RBM19: variants seen among roughly 807,000 people sequenced by gnomAD.
RBM19 encodes the protein RNA binding motif protein 19, also known as probable RNA-binding protein 19.
A neutral mutation model predicts 116.8 loss-of-function variants in RBM19; 94 were observed. The observed-to-expected ratio is 0.80, with a 90% CI of 0.68 to 0.95. The LOEUF is 0.95. Among genes scored for constraint, RBM19 ranks in the 40% least tolerant of loss-of-function variants. The pLI is 0.00. For synonymous variants in RBM19, 475 were observed against 494.1 expected, an observed-to-expected ratio of 0.96 and a Z score of 0.51; for missense variants, 1,161 against 1,220.7, an observed-to-expected ratio of 0.95 and a Z score of 0.73.
Position 113,844,731 on chromosome 12 carries a change from C to A in RBM19, c.2722G>T (p.Glu908Ter). 6.2e-7 allele frequency: 1 copy of A among 1,613,602 alleles called. No homozygotes were observed. Among genetic ancestry groups the A allele is most frequent in the Non-Finnish European group, 8.5e-7 (1 of 1,179,914 alleles). ...AGGGTCACCTCGGAGTCGGCCCACT[C>A]CAGCACCAGCCTCCGCCCGTACAAG... is the stretch of plus-strand genomic sequence containing the variant. The part of the protein sequence containing the change: ...THLYGRRLVL[E>*]WADSEVTLQA... The change falls in exon 23 of 24, where the codon GAG (glutamate) becomes TAG (stop). Residue 908 changes from glutamate (E) to a stop codon, truncating the protein, a stop_gained. Transcript: ENST00000261741. LOFTEE classifies it high-confidence loss of function.
At chr12:113,826,915 C>T (rs1050481400) in intron 23 of RBM19, among the ~76,000 whole-genome samples, 1 of 152,190 alleles carries the variant, frequency 6.6e-6, no homozygotes, top group African/African-American at 2.4e-5. Flanking sequence ...TACCTGCCAA[C>T]TATGTACTCA....
At chr12:113,842,634 G>A (rs547479790) in intron 23 of RBM19, among the ~76,000 whole-genome samples, 1 of 152,324 alleles carries the variant, frequency 6.6e-6, no homozygotes, top group Non-Finnish European at 1.5e-5. Flanking sequence ...GGAAGGCACG[G>A]GTCCAGAGAG....
chr12:113,869,285 C>T (rs772578569), intron 21 of RBM19, among the ~76,000 whole-genome samples: 7 of 152,158 alleles, frequency 4.6e-5, no homozygotes, highest in South Asian at 2.1e-4. Context: ...CAGTGGATCT[C>T]CCTCTTATCC....
At chr12:113,831,864 A>C (rs1258899182) in intron 23 of RBM19, among the ~76,000 whole-genome samples, 1 of 152,146 alleles carries the variant, frequency 6.6e-6, no homozygotes, top group Non-Finnish European at 1.5e-5. Flanking sequence ...TGACTGGGCG[A>C]TACCTGCTCC....
chr12:113,932,964 C>T (rs965833212), intron 16 of RBM19, among the ~76,000 whole-genome samples: 3 of 152,032 alleles, frequency 2.0e-5, no homozygotes, highest in African/African-American at 7.3e-5. Context: ...TATAATCAGG[C>T]CACAGAATTT....
At chr12:113,829,014 T>C (rs1434505261) in intron 23 of RBM19, among the ~76,000 whole-genome samples, 1 of 152,008 alleles carries the variant, frequency 6.6e-6, no homozygotes, top group African/African-American at 2.4e-5. Context: ...TTTTTTTTTT[T>C]TTAAATAGAC....
rs75482645 is a variant in RBM19 at position 113,833,350 on chromosome 12, T to C, written c.2786-10029A>G. Reference sequence around the variant, plus strand: ...CTCTGCTCCATGGCCCTTATTGGCCTGGATGGGACCTCTGCCCTCCATTCT... The same window carrying C: ...CTCTGCTCCATGGCCCTTATTGGCCCGGATGGGACCTCTGCCCTCCATTCT... On this transcript the variant is annotated intron_variant, in intron 23 of 23. Coordinates refer to ENST00000261741, the MANE Select transcript of RBM19 (RefSeq NM_016196.4). Among the ~76,000 whole-genome samples the C allele has an allele frequency of 1.2e-3, 176 of 152,294 alleles. 3 individuals carry two copies. The East Asian group carries it at 0.018, about 15-fold the overall frequency.
intron 23 of RBM19, 104 bp downstream of exon 23, chr12:113,844,564 C>T: frequency 7.0e-7 from 1 of 1,433,950 alleles, no homozygotes; most frequent in South Asian, 1.5e-5. Flanking sequence ...AGCCCTTGTG[C>T]CCATAGCCTG....
chr12:113,897,294 A>C (rs1035933228), intron 21 of RBM19, among the ~76,000 whole-genome samples: 4 of 152,004 alleles, frequency 2.6e-5, no homozygotes, highest in Non-Finnish European at 5.9e-5. Context: ...TCAGCCTCCC[A>C]AGCTGGGATT....
intron 22 of RBM19, among the ~76,000 whole-genome samples, chr12:113,845,706 T>C (rs1030404484): frequency 6.6e-6 from 1 of 152,166 alleles, no homozygotes; most frequent in African/African-American, 2.4e-5. Context: ...TAGTGATCAG[T>C]ACCGTCTTAA....
chr12:113,823,558 G>A (rs184761963), intron 23 of RBM19, among the ~76,000 whole-genome samples: 3 of 152,056 alleles, frequency 2.0e-5, no homozygotes, highest in African/African-American at 4.8e-5. Flanking sequence ...AGGAGTAGGG[G>A]AGAGAATCAA....
intron 22 of RBM19, among the ~76,000 whole-genome samples, chr12:113,853,244 G>A (rs1280268358): frequency 6.6e-6 from 1 of 152,210 alleles, no homozygotes; most frequent in South Asian, 2.1e-4. Context: ...TAACTGGTGC[G>A]ACCCTACAAT....
chr12:113,929,415 C>T (rs1869405730), intron 16 of RBM19, among the ~76,000 whole-genome samples: 3 of 150,372 alleles, frequency 2.0e-5, no homozygotes, highest in Middle Eastern at 3.4e-3. Context: ...GATACCAGCA[C>T]AAAAAGAAGA....
Position 113,942,426 on chromosome 12 carries a change from C to G in RBM19, c.1635G>C (p.Lys545Asn), listed in dbSNP as rs778299943. ...TKSQVFDHET[K>N]GSVAVRVALG... The stretch of plus-strand genomic sequence containing the variant: ...GAGCCACGCGCACGGCCACGCTGCC[C>G]TTGGTCTCCTGTGGAAGAGGAAAGG... Residue 545 changes from lysine (K) to asparagine (N), a missense_variant, in exon 14 of 24, where the codon AAG (lysine) becomes AAC (asparagine). Transcript: ENST00000261741. The G allele has an allele frequency of 1.2e-6, 2 of 1,605,528 alleles. No individual in the cohort carries two copies. The highest frequency in any genetic ancestry group is 1.7e-6 in the Non-Finnish European group (2 of 1,179,174).
At chr12:113,940,452 C>T (rs1020440272) in intron 14 of RBM19, among the ~76,000 whole-genome samples, 2 of 152,242 alleles carry the variant, frequency 1.3e-5, no homozygotes, top group African/African-American at 4.8e-5. Context: ...CCAAGGCTTC[C>T]AGTGGCTGGG....
chr12:113,856,782 CA>C (rs1184498927), intron 22 of RBM19, among the ~76,000 whole-genome samples: 1 of 152,204 alleles, frequency 6.6e-6, no homozygotes, highest in Non-Finnish European at 1.5e-5. Flanking sequence ...CTCCTCATCA[CA>C]GCCAATAGCC....
chr12:113,916,483 G>C (rs1322419130), intron 20 of RBM19, among the ~76,000 whole-genome samples: 1 of 152,218 alleles, frequency 6.6e-6, no homozygotes, highest in African/African-American at 2.4e-5. Flanking sequence ...GGTGCCCAGT[G>C]ATTCCTGGCT....
chr12:113,847,621 G>A (rs561131413), intron 22 of RBM19, among the ~76,000 whole-genome samples: 139 of 152,220 alleles, frequency 9.1e-4, no homozygotes, highest in African/African-American at 3.2e-3. Context: ...GGGACACGGT[G>A]GGGTGGGGGT....
At chr12:113,919,182 A>G (rs532897398) in intron 19 of RBM19, among the ~76,000 whole-genome samples, 29 of 152,194 alleles carry the variant, frequency 1.9e-4, no homozygotes, top group Non-Finnish European at 3.8e-4. Context: ...TTCTCAAGCT[A>G]CTAACACCTA....
Sources: gnomAD v4.1 joint callset for allele counts (sites outside exome capture counted in the v4.1 genomes callset) on GRCh38, gnomAD v4.1.1 for gene constraint, MANE v1.5 for transcripts, NCBI Gene and HGNC (gene_info 2026-07-23, HGNC 2026-07-21) for gene names.